Variants in UGGT1 observed in about 807,000 individuals in gnomAD.
UGGT1 encodes the protein UDP-glucose glycoprotein glucosyltransferase 1.
UGGT1 carries 107 observed loss-of-function variants against 203.9 expected under a neutral mutation model. The observed-to-expected ratio is 0.52, with a 90% CI of 0.45 to 0.62. The LOEUF (loss-of-function observed/expected upper bound fraction) is 0.62, where lower values mean the gene tolerates loss of function less well. Among genes scored for constraint, UGGT1 ranks in the 20% least tolerant of loss-of-function variants. UGGT1 has a pLI of 0.00. For missense variants in UGGT1, 1,673 were observed against 1,867.2 expected, an observed-to-expected ratio of 0.90 and a Z score of 1.92; for synonymous variants, 628 against 653.5, an observed-to-expected ratio of 0.96 and a Z score of 0.59.
At chr2:128,128,519 G>C (rs573516961) in intron 12 of UGGT1, among the ~76,000 whole-genome samples, 1 of 151,842 alleles carries the variant, frequency 6.6e-6, no homozygotes, top group Admixed American at 6.6e-5. Flanking sequence ...TCACCATGTT[G>C]GCCAGGCTGG....
intron 2 of UGGT1, among the ~76,000 whole-genome samples, chr2:128,100,524 A>G (rs1432124022): frequency 2.6e-5 from 4 of 151,276 alleles, no homozygotes; most frequent in African/African-American, 9.7e-5. Context: ...CTCTTGCCTC[A>G]GCCTCCTGAG....
At position 128,187,466 on chromosome 2, in the gene UGGT1, C is replaced by T; in HGVS notation, c.4494C>T (p.Thr1498=). Residue 1498 remains threonine (T), a synonymous_variant, in exon 40 of 41, where the codon ACC becomes ACT. Transcript: ENST00000259253. ...TTTCACAGTGTAATAATCCGATGACCAAAGAGCCGAAACTGGAAGCAGCTG... is the reference window on the plus strand; with the variant it reads ...TTTCACAGTGTAATAATCCGATGACTAAAGAGCCGAAACTGGAAGCAGCTG... ...KTIDLCNNPM[T]KEPKLEAAVR... The T allele has an allele frequency of 6.2e-7, 1 of 1,613,576 alleles. No individual in the cohort carries two copies. The highest frequency in any genetic ancestry group is 1.3e-5 in the African/African-American group (1 of 74,884).
chr2:128,093,168 G>A (rs1686949654), intron 1 of UGGT1, among the ~76,000 whole-genome samples: 2 of 152,068 alleles, frequency 1.3e-5, no homozygotes, highest in African/African-American at 4.8e-5. Context: ...ATCTCAAATG[G>A]TGCTGCATCT....
intron 34 of UGGT1, 22 bp downstream of exon 34, chr2:128,178,591 A>C (rs1410026186): frequency 6.4e-7 from 1 of 1,562,060 alleles, no homozygotes; most frequent in African/African-American, 1.5e-5. Flanking sequence ...TGATTATTTC[A>C]TTATATATGA....
chr2:128,167,550 C>G (rs1332457724), intron 26 of UGGT1, among the ~76,000 whole-genome samples: 5 of 152,170 alleles, frequency 3.3e-5, no homozygotes, highest in Admixed American at 2.0e-4. Flanking sequence ...GGAATCAGCA[C>G]CTGCATTTTA....
intron 30 of UGGT1, among the ~76,000 whole-genome samples, chr2:128,174,240 G>A (rs1056136347): frequency 3.3e-5 from 5 of 151,560 alleles, no homozygotes; most frequent in African/African-American, 4.8e-5. Context: ...TGCATCACAC[G>A]TTGATTCTTC....
At chr2:128,154,845 CAGAG>C (rs778838081) in intron 19 of UGGT1, among the ~76,000 whole-genome samples, 273 of 152,136 alleles carry the variant, frequency 1.8e-3, no homozygotes, top group Non-Finnish European at 2.6e-3. Context: ...TTGTTAGAGA[CAGAG>C]AGTTTACAGT....
intron 36 of UGGT1, among the ~76,000 whole-genome samples, chr2:128,181,483 G>A (rs368859376): frequency 2.6e-5 from 4 of 152,298 alleles, no homozygotes; most frequent in African/African-American, 4.8e-5. Flanking sequence ...ATATTCTTCC[G>A]GCCGTCAGGG....
rs1365505533 is a variant in UGGT1 at position 128,190,988 on chromosome 2, C to T, written c.*1246C>T. 1 of 152,284 alleles carries T rather than the reference C, an allele frequency of 6.6e-6. No homozygotes were observed. Among genetic ancestry groups the T allele is most frequent in the Non-Finnish European group, 1.5e-5 (1 of 68,088 alleles). 9.4% of individuals were successfully genotyped at this position (152,284 alleles called of 1,614,324 possible). A position where few individuals can be genotyped will look rare whatever the true frequency, so the allele number is the denominator to read the frequency against. Reference sequence around the variant, plus strand: ...AGCCAGTGTTGCCCCTCAGGGCATACTTTGCTGGTGAACGGGCTGTAGAGT... The same window carrying T: ...AGCCAGTGTTGCCCCTCAGGGCATATTTTGCTGGTGAACGGGCTGTAGAGT... On this transcript the variant is annotated 3_prime_UTR_variant, in exon 41 of 41. Transcript: ENST00000259253.
intron 16 of UGGT1, among the ~76,000 whole-genome samples, chr2:128,141,547 A>G (rs942328217): frequency 8.6e-5 from 13 of 151,964 alleles, no homozygotes; most frequent in Admixed American, 6.6e-4. Flanking sequence ...AGAGCTTGCA[A>G]TGAGCCAAGA....
intron 34 of UGGT1, 55 bp from the exon 35 acceptor site, chr2:128,179,731 T>C (rs910695047): frequency 1.4e-6 from 2 of 1,459,262 alleles, no homozygotes; most frequent in Non-Finnish European, 1.9e-6. Flanking sequence ...CTACATAATG[T>C]TGAGGTTAAA....
chr2:128,155,108 T>A (rs1690165343), intron 19 of UGGT1, among the ~76,000 whole-genome samples: 1 of 152,226 alleles, frequency 6.6e-6, no homozygotes, highest in African/African-American at 2.4e-5. Context: ...TTACCCCTGC[T>A]TCCTCTGTAG....
chr2:128,169,762 C>T (rs904696674), intron 26 of UGGT1, among the ~76,000 whole-genome samples: 3 of 152,144 alleles, frequency 2.0e-5, no homozygotes, highest in African/African-American at 4.8e-5. Context: ...TAGTGAGAGA[C>T]GGAAGGAAAT....
At chr2:128,155,734 T>C (rs1558801117) in intron 20 of UGGT1, 147 bp downstream of exon 20, 2 of 537,420 alleles carry the variant, frequency 3.7e-6, no homozygotes, top group Admixed American at 3.7e-5. Flanking sequence ...CTAGAACATA[T>C]CTATTTAAAG....
chr2:128,123,676 T>C (rs111952895), intron 11 of UGGT1, among the ~76,000 whole-genome samples: 1 of 152,340 alleles, frequency 6.6e-6, no homozygotes, highest in Non-Finnish European at 1.5e-5. Flanking sequence ...ATATTGGCAC[T>C]GTTCCTGTCT....
chr2:128,163,500 G>A (rs555017512), intron 25 of UGGT1, among the ~76,000 whole-genome samples: 1 of 151,730 alleles, frequency 6.6e-6, no homozygotes, highest in South Asian at 2.1e-4. Flanking sequence ...CGGATCATGA[G>A]GTCAGGAGAT....
intron 32 of UGGT1, 126 bp from the exon 33 acceptor site, chr2:128,177,706 G>C (rs1414442861): frequency 2.8e-6 from 2 of 724,342 alleles, no homozygotes; most frequent in Admixed American, 6.1e-5. Context: ...GTGGGGTTGT[G>C]CCTGTTTGTG....
intron 21 of UGGT1, among the ~76,000 whole-genome samples, 181 bp from the exon 22 acceptor site, chr2:128,157,071 G>C (rs1323312356): frequency 2.6e-5 from 4 of 152,204 alleles, no homozygotes. Flanking sequence ...CTCTGTGGAA[G>C]ATTCCCCTGC....
In UGGT1 at chr2:128,129,046, G is replaced by C; in HGVS notation, c.1244G>C (p.Arg415Thr). The C allele has an allele frequency of 6.2e-7, 1 of 1,608,550 alleles. No individual in the cohort carries two copies. Among genetic ancestry groups the C allele is most frequent in the Non-Finnish European group, 8.5e-7 (1 of 1,178,256 alleles). Residue 415 changes from arginine (R) to threonine (T), a missense_variant, in exon 13 of 41, where the codon AGG becomes ACG. This residue lies in a region of UGGT1 where 1,073 missense variants were observed against 1,078.7 expected (regional missense o/e 0.99). Transcript: ENST00000259253. ...QDIFSLFDVL[R>T]NEARVMEGLH... is the part of the protein sequence containing the mutation. ...CCCCCCAGTCTGTTTGATGTGTTGA[G>C]GAATGAAGCTCGGGTAATGGAGGGT...
Sources: gnomAD v4.1 joint callset for allele counts (sites outside exome capture counted in the v4.1 genomes callset) on GRCh38, gnomAD v4.1.1 for gene constraint, gnomAD v4.1.1 regional missense constraint, MANE v1.5 for transcripts, NCBI Gene and HGNC (gene_info 2026-07-23, HGNC 2026-07-21) for gene names.